Variants in MDFIC2 observed in about 807,000 individuals in gnomAD.
MDFIC2 encodes the protein myoD family inhibitor domain-containing protein 2.
chr3:70,308,633 G>C (rs753018690), intron 2 of MDFIC2, among the ~76,000 whole-genome samples: 1 of 152,158 alleles, frequency 6.6e-6, no homozygotes, highest in Non-Finnish European at 1.5e-5. Context: ...TGAATGAGAT[G>C]AATGAATAAT....
intron 2 of MDFIC2, among the ~76,000 whole-genome samples, chr3:70,237,709 TA>T (rs1701623912): frequency 6.6e-6 from 1 of 152,214 alleles, no homozygotes; most frequent in African/African-American, 2.4e-5. Flanking sequence ...ACACACAGAT[TA>T]TAAGCAACTC....
chr3:70,254,109 A>T lies in MDFIC2; in HGVS notation c.89-47319T>A, dbSNP rs189635409. Among the ~76,000 whole-genome samples, 403 of 150,116 alleles carry T rather than the reference A, an allele frequency of 2.7e-3. 6 individuals are homozygous for T. Among genetic ancestry groups the T allele is most frequent in the African/African-American group, 9.1e-3 (373 of 40,798 alleles). The stretch of plus-strand genomic sequence containing the variant: ...TTAATATTCTTTTCAGAGCATTAAA[A>T]TTTTTTGGTAATTGTACATAACAAA... On this transcript the variant is annotated intron_variant, in intron 2 of 3. Transcript: ENST00000567252.
intron 2 of MDFIC2, among the ~76,000 whole-genome samples, chr3:70,290,377 C>T (rs965185353): frequency 1.1e-4 from 16 of 152,146 alleles, no homozygotes; most frequent in East Asian, 1.9e-4. Context: ...TGCTCGGGGG[C>T]CAGGGGTCAG....
intron 2 of MDFIC2, among the ~76,000 whole-genome samples, chr3:70,299,171 T>C (rs906860373): frequency 6.6e-6 from 1 of 152,180 alleles, no homozygotes; most frequent in African/African-American, 2.4e-5. Flanking sequence ...ATTTTGTTAC[T>C]TCATAGAATA....
Position 70,196,768 on chromosome 3 carries a change from T to C in MDFIC2, c.*158A>G, listed in dbSNP as rs1314285160. The C allele has an allele frequency of 1.5e-5, 6 of 395,514 alleles. No individual in the cohort carries two copies. The highest frequency in any genetic ancestry group is 2.2e-5 in the Non-Finnish European group (5 of 224,680). 24.5% of individuals were successfully genotyped at this position (395,514 alleles called of 1,614,324 possible). On this transcript the variant is annotated 3_prime_UTR_variant, in exon 4 of 4. Coordinates refer to ENST00000567252, the MANE Select transcript of MDFIC2 (RefSeq NM_001364677.1). ...ATTTGGAATAAGACCATTGAGTTGA[T>C]AATACTAGCTTTCCTAGACAGGTGC...
intron 2 of MDFIC2, among the ~76,000 whole-genome samples, chr3:70,276,253 G>A (rs1419422350): frequency 6.6e-6 from 1 of 151,966 alleles, no homozygotes; most frequent in Non-Finnish European, 1.5e-5. Flanking sequence ...TGTATTTAAA[G>A]CTATTTTAAA....
intron 2 of MDFIC2, among the ~76,000 whole-genome samples, chr3:70,235,404 G>A (rs1345695111): frequency 1.3e-5 from 2 of 152,026 alleles, no homozygotes; most frequent in African/African-American, 2.4e-5. Flanking sequence ...CTCACAATTG[G>A]CTTCCGTCTC....
At chr3:70,308,787 T>A (rs369315186) in intron 2 of MDFIC2, among the ~76,000 whole-genome samples, 2 of 152,262 alleles carry the variant, frequency 1.3e-5, no homozygotes, top group East Asian at 3.9e-4. Context: ...TTAGAAATAA[T>A]AGCAGTACTC....
intron 2 of MDFIC2, among the ~76,000 whole-genome samples, chr3:70,252,821 T>C (rs1464509453): frequency 2.0e-5 from 3 of 152,190 alleles, no homozygotes; most frequent in Admixed American, 6.5e-5. Flanking sequence ...GGCTCATGCC[T>C]GTAATCCCAG....
chr3:70,260,798 C>A (rs934523922), intron 2 of MDFIC2, among the ~76,000 whole-genome samples: 1 of 151,900 alleles, frequency 6.6e-6, no homozygotes, highest in Admixed American at 6.6e-5. Context: ...TACTATTGTC[C>A]CTCTTGGTGG....
intron 2 of MDFIC2, among the ~76,000 whole-genome samples, chr3:70,290,834 C>G (rs1176020486): frequency 6.6e-6 from 1 of 152,164 alleles, no homozygotes; most frequent in African/African-American, 2.4e-5. Flanking sequence ...CAGGTGCGGT[C>G]CTCACCCCTT....
At chr3:70,257,234 A>C (rs1359622921) in intron 2 of MDFIC2, among the ~76,000 whole-genome samples, 1 of 152,238 alleles carries the variant, frequency 6.6e-6, no homozygotes, top group Non-Finnish European at 1.5e-5. Context: ...ACCCTTCCCC[A>C]TTCCTTAAAA....
At chr3:70,254,011 C>T (rs1380965555) in intron 2 of MDFIC2, among the ~76,000 whole-genome samples, 1 of 152,050 alleles carries the variant, frequency 6.6e-6, no homozygotes, top group African/African-American at 2.4e-5. Context: ...TTAACAAATG[C>T]AGAGATAAGA....
At chr3:70,246,099 A>T (rs1701705920) in intron 2 of MDFIC2, among the ~76,000 whole-genome samples, 1 of 150,998 alleles carries the variant, frequency 6.6e-6, no homozygotes, top group Non-Finnish European at 1.5e-5. Flanking sequence ...TACACACCAT[A>T]AAAAAAAACC....
rs149224786 is a variant in MDFIC2, at chr3:70,305,129, C to T, written c.88+6757G>A. On this transcript the variant is annotated intron_variant, in intron 2 of 3. Transcript: ENST00000567252. ...CAATCTCTATCACAACATCTTGTTT[C>T]AAAGCTTCGAAACAATTACCCTTGT... is the stretch of plus-strand genomic sequence containing the variant. Among the ~76,000 whole-genome samples, 10 of 152,258 alleles carry T rather than the reference C, an allele frequency of 6.6e-5. No homozygotes were observed. The East Asian group carries it at 1.4e-3, about 21-fold the overall frequency.
intron 2 of MDFIC2, among the ~76,000 whole-genome samples, chr3:70,251,351 C>T (rs1037628496): frequency 1.3e-5 from 2 of 152,184 alleles, no homozygotes; most frequent in African/African-American, 4.8e-5. Flanking sequence ...TCATTGTTCA[C>T]CTATGCCATA....
rs377460789 is a variant in MDFIC2, at chr3:70,312,532, A to T, written c.-1+19T>A. 9 of 152,208 alleles carry T rather than the reference A, an allele frequency of 5.9e-5. No homozygotes were observed. The highest frequency in any genetic ancestry group is 1.7e-4 in the African/African-American group (7 of 41,446). The allele number at this position is 152,208 out of a possible 1,614,324, so 9.4% of individuals were successfully genotyped here. On this transcript the variant is annotated intron_variant, in intron 1 of 3. Transcript: ENST00000567252. ...GCTCGCAATGAGCTCTGCTTGAATC[A>T]GCACTGCAAGGTACTCACCTGTGTG...
chr3:70,229,237 A>G (rs564613847), intron 2 of MDFIC2, among the ~76,000 whole-genome samples: 1 of 152,206 alleles, frequency 6.6e-6, no homozygotes, highest in Admixed American at 6.5e-5. Context: ...GAAGCAAGAG[A>G]AAATTCCAGA....
chr3:70,283,636 A>AT (rs1236189701), intron 2 of MDFIC2: 4 of 152,082 alleles, frequency 2.6e-5, no homozygotes, highest in Admixed American at 1.3e-4. Flanking sequence ...AAAGGGATTC[A>AT]TGCTGGGGTC....
Sources: allele counts gnomAD v4.1 joint callset (sites outside exome capture counted in the v4.1 genomes callset), GRCh38; gene constraint gnomAD v4.1.1; transcripts MANE v1.5; gene names NCBI Gene and HGNC (gene_info 2026-07-23, HGNC 2026-07-21).